Variants in ITGA9 observed in about 807,000 individuals in gnomAD.
ITGA9 encodes the protein integrin subunit alpha 9, also known as integrin alpha-9.
ITGA9 carries 56 observed loss-of-function variants against 127.8 expected under a neutral mutation model. That is an observed-to-expected ratio of 0.44 (90% CI 0.35 to 0.55). The LOEUF (loss-of-function observed/expected upper bound fraction) is 0.55, where lower values mean the gene tolerates loss of function less well. ITGA9 is among the 20% of genes least tolerant of loss of function. The probability of loss-of-function intolerance (pLI) is 0.00; values close to 1 mark genes in which losing one functional copy is unlikely to be tolerated. For synonymous variants in ITGA9, 508 were observed against 514.5 expected (o/e 0.99, Z 0.17); for missense variants, 1,196 against 1,347.1 (o/e 0.89, Z 1.76).
chr3:37,723,792 C>T (rs976120147), intron 18 of ITGA9, among the ~76,000 whole-genome samples: 7 of 152,194 alleles, frequency 4.6e-5, no homozygotes, highest in African/African-American at 1.2e-4. Context: ...TATAGGGCAG[C>T]GGTCAGTGAA....
At chr3:37,732,945 T>C (rs1318028786) in intron 19 of ITGA9, 147 bp downstream of exon 19, 3 of 700,050 alleles carry the variant, frequency 4.3e-6, no homozygotes, top group Non-Finnish European at 7.8e-6. Flanking sequence ...CCTGACATGC[T>C]CCTGTCCCTG....
At chr3:37,791,928 GTTAT>G (rs1191054771) in intron 26 of ITGA9, among the ~76,000 whole-genome samples, 1 of 152,196 alleles carries the variant, frequency 6.6e-6, no homozygotes, top group African/African-American at 2.4e-5. Flanking sequence ...ACTGTGACTT[GTTAT>G]TTATCATTTA....
At chr3:37,796,817 AG>A (rs1275263377) in intron 26 of ITGA9, among the ~76,000 whole-genome samples, 1 of 152,220 alleles carries the variant, frequency 6.6e-6, no homozygotes, top group Non-Finnish European at 1.5e-5. Flanking sequence ...GCCTTGGTTC[AG>A]GTGACAGGAA....
At chr3:37,680,867 C>T (rs557206331) in intron 17 of ITGA9, among the ~76,000 whole-genome samples, 7 of 152,298 alleles carry the variant, frequency 4.6e-5, no homozygotes, top group African/African-American at 1.4e-4. Context: ...TAAATAATTG[C>T]CACAATAGCT....
At chr3:37,546,529 A>G (rs1021554172) in intron 15 of ITGA9, among the ~76,000 whole-genome samples, 1 of 152,144 alleles carries the variant, frequency 6.6e-6, no homozygotes, top group African/African-American at 2.4e-5. Context: ...GCTGTTGTTC[A>G]AGGCTCAGTC....
In ITGA9 at chr3:37,640,227, G is replaced by A. The variant is rs146996760; in HGVS notation, c.1839+10891G>A. Among the ~76,000 whole-genome samples, 1,469 of 152,330 alleles carry A rather than the reference G, an allele frequency of 9.6e-3. 11 individuals carry two copies. The highest frequency in any genetic ancestry group is 0.014 in the Non-Finnish European group (953 of 68,026). ...TGGGGAGAGGAGCCTGGATTTTCCA[G>A]GTGGGTCCAATCTAGTCACACGAGC... On this transcript the variant is annotated intron_variant, in intron 16 of 27. Transcript: ENST00000264741.
rs553358990 is a variant in ITGA9 at position 37,680,652 on chromosome 3, C to T, written c.1917-3213C>T. 3.3e-5 allele frequency among the ~76,000 whole-genome samples: 5 copies of T among 152,270 alleles called. No homozygotes were observed. In the South Asian group the frequency reaches 8.3e-4, roughly 25 times the overall value. Reference sequence around the variant, plus strand: ...GGTCCTGGGCTCATCTATACTGTCTCCCTGCCAAATATTCCATGGAAACCT... The same window carrying T: ...GGTCCTGGGCTCATCTATACTGTCTTCCTGCCAAATATTCCATGGAAACCT... On this transcript the variant is annotated intron_variant, in intron 17 of 27. Coordinates refer to ENST00000264741, the MANE Select transcript of ITGA9 (RefSeq NM_002207.3).
intron 4 of ITGA9, among the ~76,000 whole-genome samples, chr3:37,486,972 A>T (rs965120004): frequency 2.0e-5 from 3 of 152,240 alleles, no homozygotes; most frequent in Admixed American, 2.0e-4. Flanking sequence ...TAGATTACCC[A>T]TTCAAAGGTG....
chr3:37,644,468 G>T (rs902673784), intron 16 of ITGA9, among the ~76,000 whole-genome samples: 4 of 152,318 alleles, frequency 2.6e-5, no homozygotes, highest in Non-Finnish European at 5.9e-5. Flanking sequence ...ATGGGAGGTT[G>T]CTTGTTGGGT....
intron 15 of ITGA9, among the ~76,000 whole-genome samples, chr3:37,568,576 C>A (rs563211436): frequency 1.3e-5 from 2 of 152,334 alleles, no homozygotes; most frequent in South Asian, 4.1e-4. Context: ...ATGAATTTAA[C>A]AGCACCCAAG....
intron 23 of ITGA9, among the ~76,000 whole-genome samples, chr3:37,756,553 A>G (rs1696654687): frequency 6.6e-6 from 1 of 152,218 alleles, no homozygotes; most frequent in African/African-American, 2.4e-5. Context: ...CTTGTTTACC[A>G]GCTATGGCAA....
chr3:37,531,393 G>A (rs1056696863), intron 13 of ITGA9, among the ~76,000 whole-genome samples: 9 of 152,214 alleles, frequency 5.9e-5, no homozygotes, highest in Non-Finnish European at 7.3e-5. Context: ...GAACTGATCC[G>A]ACAGCTGTGG....
chr3:37,533,499 A>G, intron 14 of ITGA9, 31 bp downstream of exon 14: 1 of 1,610,788 alleles, frequency 6.2e-7, no homozygotes, highest in South Asian at 1.1e-5. Flanking sequence ...GGCTCAGGAT[A>G]CCCGTTTAGC....
At chr3:37,623,137 C>T (rs189288933) in intron 15 of ITGA9, among the ~76,000 whole-genome samples, 69 of 151,454 alleles carry the variant, frequency 4.6e-4, no homozygotes, top group Admixed American at 1.1e-3. Flanking sequence ...GTCGTCTTTT[C>T]TGCTGTGTTC....
chr3:37,715,215 A>G (rs1701121785), intron 18 of ITGA9, among the ~76,000 whole-genome samples: 1 of 152,180 alleles, frequency 6.6e-6, no homozygotes, highest in South Asian at 2.1e-4. Flanking sequence ...AAAACTCTTG[A>G]AAAGTTTCTC....
chr3:37,670,611 G>A (rs1462710038), intron 17 of ITGA9, among the ~76,000 whole-genome samples: 6 of 152,160 alleles, frequency 3.9e-5, no homozygotes, highest in Non-Finnish European at 7.3e-5. Context: ...AATCAAGTTA[G>A]AGTTATTGCA....
chr3:37,496,332 A>G (rs1453115407), intron 5 of ITGA9, among the ~76,000 whole-genome samples: 1 of 152,178 alleles, frequency 6.6e-6, no homozygotes, highest in African/African-American at 2.4e-5. Flanking sequence ...ACAGAGTTCT[A>G]TGCCCTGGGA....
rs1278484978 is a variant in ITGA9 at position 37,629,066 on chromosome 3, C to T, written c.1690-121C>T. 9 of 1,163,598 alleles carry T rather than the reference C, an allele frequency of 7.7e-6. No individual in the cohort carries two copies. The highest frequency in any genetic ancestry group is 4.8e-5 in the East Asian group (2 of 41,806). 72.1% of individuals were successfully genotyped at this position (1,163,598 alleles called of 1,614,324 possible). On this transcript the variant is annotated intron_variant, in intron 15 of 27. Coordinates refer to ENST00000264741, the MANE Select transcript of ITGA9 (RefSeq NM_002207.3). This position sits in a 1 kb window ranked among gnomAD's most constrained non-coding sequence, Gnocchi z 4.5. ...ATGAAAGTCATAAAACCCTACCTCA[C>T]GAGGGTGATTGTGAGGATTATATGA... is the stretch of plus-strand genomic sequence containing the variant.
At chr3:37,453,265 TCTC>T (rs1189571730) in intron 1 of ITGA9, among the ~76,000 whole-genome samples, 2 of 152,152 alleles carry the variant, frequency 1.3e-5, no homozygotes, top group Non-Finnish European at 2.9e-5. Flanking sequence ...CTGAGTCTCA[TCTC>T]ATATGGGCCA....
Sources: allele counts gnomAD v4.1 joint callset (sites outside exome capture counted in the v4.1 genomes callset), GRCh38; gene constraint gnomAD v4.1.1; non-coding constraint Gnocchi (gnomAD v3.1); transcripts MANE v1.5; gene names NCBI Gene and HGNC (gene_info 2026-07-23, HGNC 2026-07-21).